SH3GL2: variants seen among roughly 807,000 people sequenced by gnomAD.
SH3GL2 encodes SH3 domain containing GRB2 like 2, endophilin A1.
In SH3GL2, 24 loss-of-function variants were observed where a neutral mutation model predicts 46.0. The ratio of observed to expected loss-of-function variants is 0.52; its 90% CI spans 0.38 to 0.73. The LOEUF (loss-of-function observed/expected upper bound fraction) is 0.73, where lower values mean the gene tolerates loss of function less well. SH3GL2 is among the 30% of genes least tolerant of loss of function. The pLI is 0.00. For synonymous variants in SH3GL2, 196 were observed against 147.1 expected (o/e 1.33, Z -2.40); for missense variants, 413 against 424.2 (o/e 0.97, Z 0.23).
chr9:17,776,396 C>G (rs887418893), intron 3 of SH3GL2, among the ~76,000 whole-genome samples: 5 of 152,156 alleles, frequency 3.3e-5, no homozygotes, highest in African/African-American at 1.2e-4. Flanking sequence ...TTTTGCCTAG[C>G]CCTCAGAGGC....
chr9:17,628,685 T>A (rs946526377), intron 1 of SH3GL2, among the ~76,000 whole-genome samples: 4 of 152,150 alleles, frequency 2.6e-5, no homozygotes, highest in African/African-American at 9.7e-5. Flanking sequence ...AATGGGTAGC[T>A]TTAATTTCAA....
At chr9:17,726,303 C>T (rs975822050) in intron 1 of SH3GL2, among the ~76,000 whole-genome samples, 1 of 152,102 alleles carries the variant, frequency 6.6e-6, no homozygotes, top group African/African-American at 2.4e-5. Flanking sequence ...TGAATGTGTT[C>T]ATCAGGCTGC....
chr9:17,669,910 A>T (rs991365615), intron 1 of SH3GL2, among the ~76,000 whole-genome samples: 1 of 152,196 alleles, frequency 6.6e-6, no homozygotes, highest in Middle Eastern at 3.2e-3. Context: ...GAAAAAGAAC[A>T]GCTCTCTGCT....
At chr9:17,689,798 TC>T (rs1212956732) in intron 1 of SH3GL2, among the ~76,000 whole-genome samples, 1 of 152,110 alleles carries the variant, frequency 6.6e-6, no homozygotes, top group African/African-American at 2.4e-5. Context: ...TCTCCTGCAG[TC>T]TATAACCACA....
rs114102670 is a variant in SH3GL2 at position 17,786,318 on chromosome 9, C to A, written c.188-63C>A. The A allele has an allele frequency of 3.5e-4, 522 of 1,500,536 alleles. 2 individuals carry two copies. In the African/African-American group the frequency reaches 6.5e-3, roughly 19 times the overall value. 93.0% of individuals were successfully genotyped at this position (1,500,536 alleles called of 1,614,324 possible). A position where few individuals can be genotyped will look rare whatever the true frequency, so the allele number is the denominator to read the frequency against. The stretch of plus-strand genomic sequence containing the variant: ...GCTGCTCTGAGACCTGATCCTCCAT[C>A]CAGCCCTATTTCCGCAGTGTCACAT... On this transcript the variant is annotated intron_variant, in intron 3 of 8. Coordinates refer to ENST00000380607, the MANE Select transcript of SH3GL2 (RefSeq NM_003026.5).
At chr9:17,699,279 A>G (rs762603785) in intron 1 of SH3GL2, among the ~76,000 whole-genome samples, 1 of 150,944 alleles carries the variant, frequency 6.6e-6, no homozygotes, top group Non-Finnish European at 1.5e-5. Flanking sequence ...TGGTAAAGAT[A>G]CTATTAGACT....
chr9:17,692,967 G>A (rs192910749), intron 1 of SH3GL2, among the ~76,000 whole-genome samples: 2 of 152,104 alleles, frequency 1.3e-5, no homozygotes, highest in African/African-American at 4.8e-5. Flanking sequence ...GAATAGCAAG[G>A]GGAGAGACCA....
chr9:17,738,561 C>CATATATACATTGTGTGTAT (rs1311587329), intron 1 of SH3GL2, among the ~76,000 whole-genome samples: 1 of 47,628 alleles, frequency 2.1e-5, no homozygotes, highest in East Asian at 4.8e-4. Context: ...TGTGTATATA[C>CATATATACATTGTGTGTAT]ATACATATAT....
chr9:17,635,406 C>A (rs1393557300), intron 1 of SH3GL2, among the ~76,000 whole-genome samples: 1 of 152,066 alleles, frequency 6.6e-6, no homozygotes, highest in Non-Finnish European at 1.5e-5. Flanking sequence ...TAGATTGATT[C>A]CATGCAAGTT....
chr9:17,726,449 G>A (rs919248807), intron 1 of SH3GL2, among the ~76,000 whole-genome samples: 8 of 152,152 alleles, frequency 5.3e-5, no homozygotes, highest in Non-Finnish European at 1.0e-4. Flanking sequence ...CACAAGGAGT[G>A]ATGCAAACAG....
chr9:17,637,993 A>G (rs368794862), intron 1 of SH3GL2, among the ~76,000 whole-genome samples: 2 of 151,988 alleles, frequency 1.3e-5, no homozygotes, highest in East Asian at 3.9e-4. Context: ...CGTCTCTACT[A>G]AAAATACAGA....
intron 3 of SH3GL2, among the ~76,000 whole-genome samples, chr9:17,770,317 G>A (rs776201388): frequency 6.6e-6 from 1 of 152,126 alleles, no homozygotes; most frequent in Admixed American, 6.5e-5. Flanking sequence ...CAATTTGCCC[G>A]AACTATACAA....
chr9:17,779,570 A>G (rs1417201687), intron 3 of SH3GL2, among the ~76,000 whole-genome samples: 6 of 152,138 alleles, frequency 3.9e-5, no homozygotes, highest in African/African-American at 1.4e-4. Flanking sequence ...GATTAAGGTA[A>G]ATTGTTTGTA....
intron 1 of SH3GL2, among the ~76,000 whole-genome samples, chr9:17,656,778 AAAAAAAAAAC>A (rs1453165173): frequency 6.6e-6 from 1 of 150,940 alleles, no homozygotes; most frequent in African/African-American, 2.4e-5. Context: ...CTCAAAAAAA[AAAAAAAAAAC>A]AAAAAAGGCT....
chr9:17,761,641 G>C (rs1276556581), intron 3 of SH3GL2, 132 bp downstream of exon 3: 2 of 764,560 alleles, frequency 2.6e-6, no homozygotes, highest in Non-Finnish European at 4.8e-6. Flanking sequence ...AGAGGTTAGC[G>C]ACTTCATGGA....
intron 3 of SH3GL2, among the ~76,000 whole-genome samples, chr9:17,780,410 AT>A (rs1429252198): frequency 6.7e-6 from 1 of 149,884 alleles, no homozygotes; most frequent in Non-Finnish European, 1.5e-5. Context: ...TTACTTGTCC[AT>A]TTTCTCCACT....
chr9:17,593,528 T>G (rs1588161404), intron 1 of SH3GL2, among the ~76,000 whole-genome samples: 1 of 152,320 alleles, frequency 6.6e-6, no homozygotes, highest in East Asian at 1.9e-4. Context: ...AAACTGTGTT[T>G]GTTTTTTTCC....
chr9:17,646,250 G>C (rs531643414), intron 1 of SH3GL2, among the ~76,000 whole-genome samples: 1 of 151,856 alleles, frequency 6.6e-6, no homozygotes, highest in Non-Finnish European at 1.5e-5. Flanking sequence ...TCTCTAAACT[G>C]ATTATTCTAG....
At chr9:17,646,567 C>A (rs1056461769) in intron 1 of SH3GL2, among the ~76,000 whole-genome samples, 7 of 152,038 alleles carry the variant, frequency 4.6e-5, no homozygotes, top group Non-Finnish European at 1.0e-4. Flanking sequence ...TTTGCGTGGT[C>A]ATGCTTTTTG....
Sources: gnomAD v4.1 joint callset for allele counts (sites outside exome capture counted in the v4.1 genomes callset) on GRCh38, gnomAD v4.1.1 for gene constraint, MANE v1.5 for transcripts, NCBI Gene and HGNC (gene_info 2026-07-23, HGNC 2026-07-21) for gene names.